PLS3: variants seen among roughly 807,000 people sequenced by gnomAD.
PLS3 encodes the protein plastin-3.
PLS3 carries 11 observed loss-of-function variants against 46.5 expected under a neutral mutation model. That is an observed-to-expected ratio of 0.24 (90% CI 0.15 to 0.39). The LOEUF (loss-of-function observed/expected upper bound fraction) is 0.39. PLS3 is among the 10% of genes least tolerant of loss of function. The pLI is 1.00. For missense variants in PLS3, 308 were observed against 461.8 expected, an observed-to-expected ratio of 0.67 and a Z score of 3.05; for synonymous variants, 167 against 162.2, an observed-to-expected ratio of 1.03 and a Z score of -0.22.
chrX:115,638,379 G>GT (rs2074859218), intron 8 of PLS3, among the ~76,000 whole-genome samples: 2 of 111,662 alleles, frequency 1.8e-5, no homozygotes, highest in Non-Finnish European at 3.8e-5. Context: ...AAAGTGCTGG[G>GT]ATTACAGGCA....
rs1556641977 is a variant in PLS3, at chrX:115,647,895, C to T, written c.1638C>T (p.Asp546=). The stretch of plus-strand genomic sequence containing the variant: ...GATTTGTTCTCCTTTCACACTAGGA[C>T]AAGACGATCAGCTCCAGTTTGGCAG... ...GKSTSIQSFK[D]KTISSSLAVV... is the part of the protein sequence containing the mutation. Residue 546 remains aspartate (D), a splice_region_variant and synonymous_variant, in exon 15 of 16, where the codon GAC becomes GAT. Transcript: ENST00000355899. The T allele has an allele frequency of 8.3e-7, 1 of 1,201,115 alleles. No individual in the cohort carries two copies. Among genetic ancestry groups the T allele is most frequent in the South Asian group, 1.8e-5 (1 of 56,579 alleles).
intron 7 of PLS3, among the ~76,000 whole-genome samples, chrX:115,635,950 G>GGC (rs1171844771): frequency 9.1e-6 from 1 of 109,868 alleles, no homozygotes; most frequent in Non-Finnish European, 1.9e-5. Flanking sequence ...AGATCATGGA[G>GGC]GCAGAGGTTG....
At chrX:115,593,587 C>CT (rs1343232677) in intron 1 of PLS3, 1 of 110,814 alleles carries the variant, frequency 9.0e-6, no homozygotes, top group African/African-American at 3.3e-5. Context: ...AAGGTTCTGT[C>CT]TATCAGTGCT....
Position 115,643,293 on chromosome X carries a change from T to C in PLS3, c.988-20T>C, listed in dbSNP as rs781811534. Reference sequence around the variant, plus strand: ...TTTTAGTGTGGCCTTTGACAAAGTCTTCCGATTTTGTTTCAACAGGAAACA... The same window carrying C: ...TTTTAGTGTGGCCTTTGACAAAGTCCTCCGATTTTGTTTCAACAGGAAACA... On this transcript the variant is annotated intron_variant, in intron 9 of 15. Transcript: ENST00000355899. The C allele has an allele frequency of 7.5e-5, 83 of 1,107,895 alleles. No homozygotes were observed. Among genetic ancestry groups the C allele is most frequent in the Non-Finnish European group, 9.3e-5 (75 of 807,496 alleles). The allele number at this position is 1,107,895 out of a possible 1,213,427, so 91.3% of individuals were successfully genotyped here.
intron 1 of PLS3, among the ~76,000 whole-genome samples, chrX:115,585,390 T>G (rs145630919): frequency 0.015 from 1,667 of 111,530 alleles, 23 homozygotes; most frequent in African/African-American, 0.047. Flanking sequence ...AAGTCTTTTT[T>G]TTTGTTTGTT....
At chrX:115,647,440 AAG>A in intron 13 of PLS3, 108 bp from the exon 14 acceptor site, 1 of 818,812 alleles carries the variant, frequency 1.2e-6, no homozygotes. Context: ...TCTCAAAAAA[AAG>A]AAGAAAAATT....
At chrX:115,587,703 C>A (rs1251284414) in intron 1 of PLS3, among the ~76,000 whole-genome samples, 2 of 106,787 alleles carry the variant, frequency 1.9e-5, no homozygotes, top group African/African-American at 6.9e-5. Flanking sequence ...CCACTGCACT[C>A]CAGCCTGGGC....
chrX:115,644,910 A>C, intron 10 of PLS3, 111 bp from the exon 11 acceptor site: 1 of 489,934 alleles, frequency 2.0e-6, no homozygotes, highest in Admixed American at 3.4e-5. Flanking sequence ...TATTATCGAA[A>C]AATTCTAGAT....
At chrX:115,606,743 C>T (rs1038629669) in intron 1 of PLS3, among the ~76,000 whole-genome samples, 1 of 111,085 alleles carries the variant, frequency 9.0e-6, no homozygotes, top group African/African-American at 3.3e-5. Context: ...AATCCTATGT[C>T]GTATTTTTGT....
At chrX:115,596,301 G>T (rs142147346) in intron 1 of PLS3, among the ~76,000 whole-genome samples, 1 of 111,589 alleles carries the variant, frequency 9.0e-6, no homozygotes, top group Non-Finnish European at 1.9e-5. Flanking sequence ...ATAGGTCTGC[G>T]CACTTTCCCT....
At chrX:115,630,887 GTATAA>G (rs1314027020) in intron 5 of PLS3, among the ~76,000 whole-genome samples, 8 of 88,343 alleles carry the variant, frequency 9.1e-5, no homozygotes, top group East Asian at 6.6e-4. Flanking sequence ...GTATATATAT[GTATAA>G]TATATGTATA....
At chrX:115,615,075 CAAAG>C (rs2074584368) in intron 2 of PLS3, among the ~76,000 whole-genome samples, 1 of 111,020 alleles carries the variant, frequency 9.0e-6, no homozygotes, top group African/African-American at 3.3e-5. Context: ...ACCCGAGCGT[CAAAG>C]AAAATCCTAG....
At chrX:115,571,145 G>A (rs1556630680) in intron 1 of PLS3, among the ~76,000 whole-genome samples, 1 of 110,393 alleles carries the variant, frequency 9.1e-6, no homozygotes, top group African/African-American at 3.3e-5. Context: ...CACCCACCTC[G>A]GCCTCCCAAA....
intron 13 of PLS3, among the ~76,000 whole-genome samples, chrX:115,647,055 A>G (rs1002344682): frequency 9.0e-6 from 1 of 111,684 alleles, no homozygotes; most frequent in Non-Finnish European, 1.9e-5. Flanking sequence ...TACAAAGAGT[A>G]GATCAGTAGC....
At chrX:115,608,549 G>A (rs2074516751) in intron 1 of PLS3, among the ~76,000 whole-genome samples, 2 of 111,885 alleles carry the variant, frequency 1.8e-5, no homozygotes, top group African/African-American at 6.5e-5. Flanking sequence ...TGTAACAAAC[G>A]TACCACTCAG....
chrX:115,637,516 T>C (rs1242474606), intron 8 of PLS3, among the ~76,000 whole-genome samples: 1 of 111,942 alleles, frequency 8.9e-6, no homozygotes, highest in Non-Finnish European at 1.9e-5. Flanking sequence ...ATGTGGCATA[T>C]ACAAGTCCCT....
intron 1 of PLS3, among the ~76,000 whole-genome samples, chrX:115,599,075 T>C (rs963295612): frequency 9.0e-6 from 1 of 111,462 alleles, no homozygotes; most frequent in East Asian, 2.8e-4. Flanking sequence ...TGGCAACTGT[T>C]CTTATTTCTC....
rs964067940 is a variant in PLS3, at chrX:115,584,121, G to C, written c.-9+22861G>C. Among the ~76,000 whole-genome samples the C allele has an allele frequency of 2.7e-5, 3 of 111,929 alleles. No homozygotes were observed. The Admixed American group carries it at 2.9e-4, about 11-fold the overall frequency. On this transcript the variant is annotated intron_variant, in intron 1 of 15. Transcript: ENST00000355899. ...AGAGTTAGCCAATGGAACAAGAGTA[G>C]ATGCCTTTTATCCTTATTTATTTGC...
chrX:115,587,639 G>C (rs960509798), intron 1 of PLS3, among the ~76,000 whole-genome samples: 6 of 109,328 alleles, frequency 5.5e-5, no homozygotes, highest in Non-Finnish European at 1.1e-4. Context: ...GGAGGCTGAG[G>C]CAGGAGAATG....
Sources: allele counts gnomAD v4.1 joint callset (sites outside exome capture counted in the v4.1 genomes callset), GRCh38; gene constraint gnomAD v4.1.1; transcripts MANE v1.5; gene names NCBI Gene and HGNC (gene_info 2026-07-23, HGNC 2026-07-21).